The following AGO4 variants were observed in gnomAD, a reference collection of about 807,000 sequenced individuals.
AGO4 encodes argonaute RISC component 4.
AGO4 carries 33 observed loss-of-function variants against 104.7 expected under a neutral mutation model. The observed-to-expected ratio is 0.32, with a 90% confidence interval of 0.24 to 0.42. The LOEUF is 0.42. Ranked by LOEUF, AGO4 falls within the 10% of genes least tolerant of loss-of-function variation. The pLI is 1.00. For missense variants in AGO4, 711 were observed against 1,083.4 expected (o/e 0.66, Z 4.83); for synonymous variants, 331 against 364.7 (o/e 0.91, Z 1.05).
Position 35,841,082 on chromosome 1 carries a change from T to C in AGO4, c.1725-83T>C. The C allele has an allele frequency of 3.5e-6, 5 of 1,422,166 alleles. No individual in the cohort carries two copies. The South Asian group carries it at 6.4e-5, about 18-fold the overall frequency. 88.1% of individuals were successfully genotyped at this position (1,422,166 alleles called of 1,614,324 possible). On this transcript the variant is annotated intron_variant, in intron 13 of 17. Coordinates refer to ENST00000373210, the MANE Select transcript of AGO4 (RefSeq NM_017629.4). This position sits in a 1 kb window ranked among gnomAD's most constrained non-coding sequence, Gnocchi z 4.7. ...TTCTCTCTTATAAGGTTATATCTGA[T>C]TATATCTGGTGATATAATCTTGCTA...
At chr1:35,826,559 C>T (rs139074927) in intron 6 of AGO4, among the ~76,000 whole-genome samples, 189 bp from the exon 7 acceptor site, 281 of 152,274 alleles carry the variant, frequency 1.8e-3, no homozygotes, top group Non-Finnish European at 3.3e-3. Context: ...GATTGAGCAT[C>T]TTAGGTAATC....
rs1644032574 is a variant in AGO4, at chr1:35,826,838, A to G, written c.848+3A>G. 2 of 1,613,596 alleles carry G rather than the reference A, an allele frequency of 1.2e-6. No homozygotes were observed. Among genetic ancestry groups the G allele is most frequent in the East Asian group, 2.2e-5 (1 of 44,890 alleles). On this transcript the variant is annotated splice_donor_region_variant and intron_variant, in intron 7 of 17. Coordinates refer to ENST00000373210, the MANE Select transcript of AGO4 (RefSeq NM_017629.4). ...AGACGGCCAGCCAGTCATCAAACGT[A>G]TGTTAACCACATCTAAAGTAATACA...
chr1:35,817,017 A>G lies in AGO4; in HGVS notation c.155A>G (p.Lys52Arg), dbSNP rs748691173. The change falls in exon 2 of 18, where the codon AAG becomes AGG. Residue 52 changes from lysine (K) to arginine (R), a missense_variant. By Grantham distance (26) the Lys-to-Arg change is conservative. This residue lies in a region of AGO4 where 308 missense variants were observed against 397.8 expected (regional missense o/e 0.77). Coordinates refer to ENST00000373210, the MANE Select transcript of AGO4 (RefSeq NM_017629.4). ...GTGTATCACTATGATGTGGATATTA[A>G]GCCTGAAAAACGGCCTCGTAGAGTC... ...IDVYHYDVDI[K>R]PEKRPRRVNR... 1 of 1,611,594 alleles carries G rather than the reference A, an allele frequency of 6.2e-7. No homozygotes were observed. Among genetic ancestry groups the G allele is most frequent in the East Asian group, 2.2e-5 (1 of 44,824 alleles).
Position 35,808,400 on chromosome 1 carries a change from C to T in AGO4, c.-17C>T. On this transcript the variant is annotated 5_prime_UTR_variant, in exon 1 of 18. Transcript: ENST00000373210. This position sits in a 1 kb window ranked among gnomAD's most constrained non-coding sequence, Gnocchi z 5.2. ...GGAGGCGCCGGGGACCGGGGCGAGG[C>T]GGCCCCCGCCGCCGCCATGGAGGCG... 2 of 1,116,208 alleles carry T rather than the reference C, an allele frequency of 1.8e-6. No individual in the cohort carries two copies. The highest frequency in any genetic ancestry group is 4.8e-5 in the East Asian group (1 of 20,872). 69.1% of individuals were successfully genotyped at this position (1,116,208 alleles called of 1,614,324 possible).
intron 3 of AGO4, among the ~76,000 whole-genome samples, chr1:35,823,495 G>T (rs540925152): frequency 6.6e-6 from 1 of 152,170 alleles, no homozygotes; most frequent in East Asian, 1.9e-4. Flanking sequence ...GCGCGATCTC[G>T]GCGCAGTGCA....
rs1004514445 is a variant in AGO4, at chr1:35,855,748, A to G, written c.*2143A>G. ...CTGCTTGGCTGCTGCTTTTATTCAC[A>G]CTTGTTCAGGGAGAGCACAGAGAAT... On this transcript the variant is annotated 3_prime_UTR_variant, in exon 18 of 18. Transcript: ENST00000373210. 8.1e-5 allele frequency: 12 copies of G among 148,932 alleles called. No individual in the cohort carries two copies. Among genetic ancestry groups the G allele is most frequent in the African/African-American group, 3.0e-4 (12 of 40,220 alleles). The allele number at this position is 148,932 out of a possible 1,614,324, so 9.2% of individuals were successfully genotyped here.
At chr1:35,845,423 T>C (rs1050263820) in intron 15 of AGO4, among the ~76,000 whole-genome samples, 1 of 152,020 alleles carries the variant, frequency 6.6e-6, no homozygotes, top group Non-Finnish European at 1.5e-5. Flanking sequence ...GCCAGACTGG[T>C]CTCGAACTCC....
At chr1:35,833,104 C>T (rs946113157) in intron 11 of AGO4, among the ~76,000 whole-genome samples, 1 of 151,846 alleles carries the variant, frequency 6.6e-6, no homozygotes, top group Non-Finnish European at 1.5e-5. Flanking sequence ...CATGGTGAAA[C>T]CCCGTCTCTA....
intron 5 of AGO4, 51 bp downstream of exon 5, chr1:35,825,866 G>C: frequency 6.3e-7 from 1 of 1,597,424 alleles, no homozygotes; most frequent in Non-Finnish European, 8.5e-7. Flanking sequence ...GTTTTTGTTT[G>C]TTTGTTTGTT....
intron 1 of AGO4, among the ~76,000 whole-genome samples, chr1:35,812,341 T>C (rs1643536485): frequency 6.6e-6 from 1 of 152,248 alleles, no homozygotes; most frequent in Non-Finnish European, 1.5e-5. Flanking sequence ...AAATAATATT[T>C]ACTTTTTGCC....
intron 15 of AGO4, 46 bp from the exon 16 acceptor site, chr1:35,850,111 C>A: frequency 1.4e-6 from 2 of 1,385,914 alleles, no homozygotes; most frequent in Non-Finnish European, 9.9e-7. Flanking sequence ...GGCCTGACCA[C>A]AGTTTGGCAC....
chr1:35,842,707 C>T (rs1395712986), intron 15 of AGO4, among the ~76,000 whole-genome samples: 1 of 152,074 alleles, frequency 6.6e-6, no homozygotes, highest in Non-Finnish European at 1.5e-5. Flanking sequence ...GAGGCTGAGG[C>T]AGGAGAATCG....
At chr1:35,815,431 G>C (rs1423121141) in intron 1 of AGO4, among the ~76,000 whole-genome samples, 2 of 152,100 alleles carry the variant, frequency 1.3e-5, no homozygotes, top group African/African-American at 2.4e-5. Context: ...TTTCTGCTGA[G>C]TATTAATAGA....
At chr1:35,843,516 G>A (rs1644498536) in intron 15 of AGO4, among the ~76,000 whole-genome samples, 1 of 152,078 alleles carries the variant, frequency 6.6e-6, no homozygotes. Context: ...TGAGTTAATA[G>A]TACTTCTTAC....
chr1:35,851,864 G>A (rs1466128058), intron 17 of AGO4, among the ~76,000 whole-genome samples: 1 of 152,194 alleles, frequency 6.6e-6, no homozygotes, highest in East Asian at 1.9e-4. Flanking sequence ...TTACTAAGAT[G>A]AGTAAGACAT....
At chr1:35,811,586 C>T (rs1457788643) in intron 1 of AGO4, among the ~76,000 whole-genome samples, 1 of 151,780 alleles carries the variant, frequency 6.6e-6, no homozygotes, top group East Asian at 1.9e-4. Flanking sequence ...TATTGCAAGG[C>T]ACTATGTTAA....
intron 1 of AGO4, among the ~76,000 whole-genome samples, chr1:35,811,923 C>A (rs1358134611): frequency 1.3e-5 from 2 of 152,004 alleles, no homozygotes; most frequent in African/African-American, 4.8e-5. Flanking sequence ...GAATATACAT[C>A]ATCTCATGGG....
At chr1:35,812,730 T>C (rs1643549759) in intron 1 of AGO4, among the ~76,000 whole-genome samples, 2 of 152,128 alleles carry the variant, frequency 1.3e-5, no homozygotes, top group Non-Finnish European at 2.9e-5. Context: ...TAGCTGGGAT[T>C]ACAGGTGCCC....
Position 35,831,800 on chromosome 1 carries a change from G to T in AGO4, c.997-12G>T. ...CCTTTACACAAACCAATTTCTCTTT[G>T]TCTCTTGGCAGGTCTGTAATATAGT... On this transcript the variant is annotated splice_polypyrimidine_tract_variant and intron_variant, in intron 8 of 17. Transcript: ENST00000373210. 2 of 1,613,818 alleles carry T rather than the reference G, an allele frequency of 1.2e-6. No individual in the cohort carries two copies. The highest frequency in any genetic ancestry group is 1.7e-6 in the Non-Finnish European group (2 of 1,179,894).
Sources: allele counts gnomAD v4.1 joint callset (sites outside exome capture counted in the v4.1 genomes callset), GRCh38; gene constraint gnomAD v4.1.1; regional missense constraint gnomAD v4.1.1; non-coding constraint Gnocchi (gnomAD v3.1); transcripts MANE v1.5; gene names NCBI Gene and HGNC (gene_info 2026-07-23, HGNC 2026-07-21).